RBFOX1: variants seen among roughly 807,000 people sequenced by gnomAD.
RBFOX1 encodes the protein RNA binding protein fox-1 homolog 1.
In RBFOX1, 8 loss-of-function variants were observed where a neutral mutation model predicts 57.7. The ratio of observed to expected loss-of-function variants is 0.14; its 90% confidence interval spans 0.08 to 0.25. The LOEUF is 0.25. RBFOX1 is among the 10% of genes least tolerant of loss of function. The probability of loss-of-function intolerance (pLI) is 1.00; values close to 1 mark genes in which losing one functional copy is unlikely to be tolerated. For synonymous variants in RBFOX1, 326 were observed against 222.4 expected, an observed-to-expected ratio of 1.47 and a Z score of -4.15; for missense variants, 611 against 548.5, an observed-to-expected ratio of 1.11 and a Z score of -1.14.
intron 1 of RBFOX1, among the ~76,000 whole-genome samples, chr16:5,265,522 G>C (rs2062836277): frequency 6.6e-6 from 1 of 152,198 alleles, no homozygotes; most frequent in African/African-American, 2.4e-5. Flanking sequence ...CTATCAGTAA[G>C]AACATAATTA....
At chr16:7,397,811 A>C (rs138923952) in intron 4 of RBFOX1, among the ~76,000 whole-genome samples, 1 of 152,230 alleles carries the variant, frequency 6.6e-6, no homozygotes, top group African/African-American at 2.4e-5. Flanking sequence ...TCTGGGTTCA[A>C]GTCTTGTCCA....
At chr16:5,510,281 C>T (rs1007189886) in intron 2 of RBFOX1, among the ~76,000 whole-genome samples, 1 of 152,174 alleles carries the variant, frequency 6.6e-6, no homozygotes, top group Non-Finnish European at 1.5e-5. Flanking sequence ...CTGTGAGTTG[C>T]GTGGGGTTCA....
chr16:5,419,445 G>C (rs1018559860), intron 1 of RBFOX1, among the ~76,000 whole-genome samples: 1 of 152,016 alleles, frequency 6.6e-6, no homozygotes, highest in Non-Finnish European at 1.5e-5. Flanking sequence ...AATGCTGGCA[G>C]CTGATTAGCT....
intron 14 of RBFOX1, among the ~76,000 whole-genome samples, chr16:7,707,135 G>A (rs555488970): frequency 1.3e-5 from 2 of 152,280 alleles, no homozygotes; most frequent in Non-Finnish European, 2.9e-5. Flanking sequence ...TCCTCTTGAA[G>A]CTGAAAGCCT....
chr16:6,189,522 G>C (rs564610391), intron 1 of RBFOX1, among the ~76,000 whole-genome samples: 5 of 152,132 alleles, frequency 3.3e-5, no homozygotes, highest in Non-Finnish European at 7.4e-5. Flanking sequence ...CTGAAGGTTT[G>C]GGAGATAGCT....
intron 3 of RBFOX1, among the ~76,000 whole-genome samples, chr16:6,733,168 C>T (rs1297882642): frequency 1.3e-5 from 2 of 152,176 alleles, no homozygotes; most frequent in Non-Finnish European, 2.9e-5. Flanking sequence ...GCCAACCCCT[C>T]ATCTCCCATA....
chr16:5,401,809 T>G (rs73520496), intron 1 of RBFOX1, among the ~76,000 whole-genome samples: 3 of 137,416 alleles, frequency 2.2e-5, no homozygotes, highest in Admixed American at 1.5e-4. Context: ...TCCTCCTCCT[T>G]CTCCTTCTCG....
At chr16:5,396,503 G>A (rs1331863844) in intron 1 of RBFOX1, among the ~76,000 whole-genome samples, 1 of 152,138 alleles carries the variant, frequency 6.6e-6, no homozygotes, top group East Asian at 1.9e-4. Flanking sequence ...TTAGCTGGGT[G>A]TGGCAGCACA....
intron 3 of RBFOX1, among the ~76,000 whole-genome samples, chr16:5,705,599 A>T (rs1171423160): frequency 6.6e-6 from 1 of 152,204 alleles, no homozygotes; most frequent in Non-Finnish European, 1.5e-5. Flanking sequence ...ACTAAGAAAC[A>T]TTCAAAGACA....
intron 1 of RBFOX1, among the ~76,000 whole-genome samples, chr16:5,404,252 CTG>C (rs1426117499): frequency 1.3e-5 from 2 of 152,168 alleles, no homozygotes; most frequent in Non-Finnish European, 2.9e-5. Flanking sequence ...ACTATGCAAT[CTG>C]TGCATGTAAT....
intron 4 of RBFOX1, among the ~76,000 whole-genome samples, chr16:7,266,340 C>G (rs2095141749): frequency 6.6e-6 from 1 of 152,160 alleles, no homozygotes; most frequent in Non-Finnish European, 1.5e-5. Context: ...CTTGCTCCTG[C>G]TTTGGTCACG....
At chr16:5,317,516 C>T (rs889749457) in intron 1 of RBFOX1, among the ~76,000 whole-genome samples, 1 of 152,050 alleles carries the variant, frequency 6.6e-6, no homozygotes, top group Non-Finnish European at 1.5e-5. Context: ...GACTGAGGAA[C>T]GAGAATCGCT....
chr16:6,113,435 T>C (rs2096466319), intron 1 of RBFOX1, among the ~76,000 whole-genome samples: 1 of 152,148 alleles, frequency 6.6e-6, no homozygotes, highest in Non-Finnish European at 1.5e-5. Context: ...CACAGCGACA[T>C]AAAAGGAAAT....
At chr16:6,641,507 G>T (rs920126847) in intron 2 of RBFOX1, among the ~76,000 whole-genome samples, 4 of 151,928 alleles carry the variant, frequency 2.6e-5, no homozygotes, top group Non-Finnish European at 4.4e-5. Flanking sequence ...GGCCGAGGCG[G>T]GCAGATCGCT....
chr16:7,099,748 A>C (rs773386749), intron 4 of RBFOX1, among the ~76,000 whole-genome samples: 4 of 152,194 alleles, frequency 2.6e-5, no homozygotes, highest in African/African-American at 9.6e-5. Context: ...TTTCCAGGTC[A>C]TAGGTAGATT....
intron 3 of RBFOX1, among the ~76,000 whole-genome samples, chr16:5,864,358 C>G (rs1386358673): frequency 6.6e-6 from 1 of 152,132 alleles, no homozygotes; most frequent in Non-Finnish European, 1.5e-5. Flanking sequence ...TCAATGTAAA[C>G]ATCTTAAACA....
At chr16:6,293,825 C>G (rs188787491) in intron 1 of RBFOX1, among the ~76,000 whole-genome samples, 6 of 151,964 alleles carry the variant, frequency 3.9e-5, no homozygotes, top group South Asian at 2.1e-4. Flanking sequence ...TGAATAAAAC[C>G]TCAAATACAC....
chr16:6,146,332 T>C (rs908524049), intron 1 of RBFOX1, among the ~76,000 whole-genome samples: 1 of 152,172 alleles, frequency 6.6e-6, no homozygotes, highest in Non-Finnish European at 1.5e-5. Context: ...AGCTGTTCAA[T>C]GGGTGATAAT....
In RBFOX1 at chr16:7,602,390, G is replaced by T. The variant is rs576797161; in HGVS notation, c.623-4895G>T. Among the ~76,000 whole-genome samples the T allele has an allele frequency of 2.2e-3, 338 of 152,262 alleles. 2 individuals are homozygous for T. The highest frequency in any genetic ancestry group is 3.8e-3 in the Non-Finnish European group (261 of 68,024). On this transcript the variant is annotated intron_variant, in intron 9 of 15. Transcript: ENST00000550418. ...ATTGCCTTGTTGTGGGGCTGGGGGG[G>T]CCCTGGGAGGCTGGGACCAGTGGGC...
Sources: gnomAD v4.1 joint callset for allele counts (sites outside exome capture counted in the v4.1 genomes callset) on GRCh38, gnomAD v4.1.1 for gene constraint, MANE v1.5 for transcripts, NCBI Gene and HGNC (gene_info 2026-07-23, HGNC 2026-07-21) for gene names.